The following RALYL variants were observed in gnomAD, a reference collection of about 807,000 sequenced individuals.
The protein encoded by RALYL is RALY RNA binding protein like, also known as RNA-binding Raly-like protein.
A neutral mutation model predicts 35.1 loss-of-function variants in RALYL; 29 were observed. The ratio of observed to expected loss-of-function variants is 0.83; its 90% CI spans 0.61 to 1.13. The LOEUF is 1.13. RALYL is among the 50% of genes most tolerant of loss of function. The probability of loss-of-function intolerance (pLI) is 0.00; values close to 1 mark genes in which losing one functional copy is unlikely to be tolerated. For synonymous variants in RALYL, 120 were observed against 127.6 expected (o/e 0.94, Z 0.40); for missense variants, 359 against 360.4 (o/e 1.00, Z 0.03).
chr8:84,857,807 T>C (rs1837355724), intron 5 of RALYL, among the ~76,000 whole-genome samples: 1 of 152,196 alleles, frequency 6.6e-6, no homozygotes, highest in African/African-American at 2.4e-5. Flanking sequence ...TAAAGAATTA[T>C]AGTAGTTGTT....
intron 2 of RALYL, among the ~76,000 whole-genome samples, chr8:84,613,845 C>T (rs1031259517): frequency 6.7e-6 from 1 of 148,250 alleles, no homozygotes; most frequent in Non-Finnish European, 1.5e-5. Flanking sequence ...TTACTTTAAA[C>T]AATTTTCTTC....
chr8:84,310,475 G>T (rs1842559287), intron 1 of RALYL, among the ~76,000 whole-genome samples: 2 of 151,800 alleles, frequency 1.3e-5, no homozygotes, highest in African/African-American at 4.8e-5. Flanking sequence ...AAGAAAAATG[G>T]AAAACGGCAA....
intron 1 of RALYL, among the ~76,000 whole-genome samples, chr8:84,361,313 C>G (rs1852966743): frequency 1.3e-5 from 2 of 152,146 alleles, no homozygotes; most frequent in South Asian, 4.1e-4. Context: ...TTCCAGCACT[C>G]CAATATTCAA....
chr8:84,521,568 A>G (rs965894998), intron 1 of RALYL, among the ~76,000 whole-genome samples: 1 of 152,220 alleles, frequency 6.6e-6, no homozygotes, highest in Non-Finnish European at 1.5e-5. Context: ...CTGCCAAATT[A>G]CATTTGGATC....
chr8:84,529,265 T>C (rs1231682592), intron 1 of RALYL, 34 bp from the exon 2 acceptor site: 1 of 1,543,954 alleles, frequency 6.5e-7, no homozygotes, highest in Non-Finnish European at 8.8e-7. Flanking sequence ...TACCTTTTGA[T>C]TATTTGTTTT....
intron 1 of RALYL, among the ~76,000 whole-genome samples, chr8:84,356,247 T>C (rs1851812603): frequency 6.6e-6 from 1 of 150,448 alleles, no homozygotes. Flanking sequence ...GACTAATACA[T>C]AGGTAATAAC....
intron 1 of RALYL, among the ~76,000 whole-genome samples, chr8:84,266,916 CG>C (rs1284283280): frequency 6.8e-6 from 1 of 147,168 alleles, no homozygotes; most frequent in African/African-American, 2.5e-5. Context: ...GCCGAGATCG[CG>C]CCACTGCACT....
intron 1 of RALYL, among the ~76,000 whole-genome samples, chr8:84,198,234 G>A (rs1175670846): frequency 1.3e-5 from 2 of 152,182 alleles, no homozygotes; most frequent in African/African-American, 4.8e-5. Context: ...TATGTGTACT[G>A]AAATGATAAT....
chr8:84,738,793 T>C (rs1268944015), intron 2 of RALYL, among the ~76,000 whole-genome samples: 1 of 152,022 alleles, frequency 6.6e-6, no homozygotes, highest in African/African-American at 2.4e-5. Flanking sequence ...GCAGTGAACA[T>C]CAATGGGGAA....
chr8:84,225,282 C>G (rs1823603271), intron 1 of RALYL, among the ~76,000 whole-genome samples: 1 of 152,190 alleles, frequency 6.6e-6, no homozygotes, highest in Non-Finnish European at 1.5e-5. Flanking sequence ...TTGAAATAGT[C>G]TCCTTAGCTG....
At chr8:84,633,487 G>A (rs1424313494) in intron 2 of RALYL, among the ~76,000 whole-genome samples, 2 of 151,694 alleles carry the variant, frequency 1.3e-5, no homozygotes, top group Non-Finnish European at 3.0e-5. Flanking sequence ...CAACTTTTAA[G>A]AAAAAAGAAG....
At chr8:84,426,426 C>CTT (rs1213281137) in intron 1 of RALYL, among the ~76,000 whole-genome samples, 4 of 128,768 alleles carry the variant, frequency 3.1e-5, no homozygotes. Flanking sequence ...CTTTTGCGTT[C>CTT]TCTCTCTCTC....
At chr8:84,427,550 A>T (rs1260499943) in intron 1 of RALYL, among the ~76,000 whole-genome samples, 2 of 152,244 alleles carry the variant, frequency 1.3e-5, no homozygotes, top group Non-Finnish European at 2.9e-5. Context: ...ATTTAAAAAA[A>T]AACCTTTCAA....
intron 1 of RALYL, among the ~76,000 whole-genome samples, chr8:84,520,576 C>T (rs1018529473): frequency 6.6e-6 from 1 of 152,036 alleles, no homozygotes; most frequent in Non-Finnish European, 1.5e-5. Context: ...AGACAGGTAT[C>T]GGTCTGTCAC....
intron 1 of RALYL, among the ~76,000 whole-genome samples, chr8:84,325,867 T>A (rs531563517): frequency 2.6e-5 from 4 of 152,164 alleles, no homozygotes; most frequent in Non-Finnish European, 4.4e-5. Context: ...CAGTGGCTCA[T>A]GCCTGTAATT....
At chr8:84,899,382 A>T (rs1845289398) in intron 8 of RALYL, among the ~76,000 whole-genome samples, 1 of 151,392 alleles carries the variant, frequency 6.6e-6, no homozygotes, top group African/African-American at 2.4e-5. Flanking sequence ...ATTTTTCCTC[A>T]GTGTAGTGCT....
intron 3 of RALYL, among the ~76,000 whole-genome samples, chr8:84,797,627 G>GA (rs567418543): frequency 6.6e-6 from 1 of 151,884 alleles, no homozygotes; most frequent in African/African-American, 2.4e-5. Flanking sequence ...TTCCTTTGGA[G>GA]AAAAAAAGTA....
intron 1 of RALYL, among the ~76,000 whole-genome samples, chr8:84,456,018 A>G (rs114624790): frequency 0.056 from 8,535 of 151,892 alleles, 568 homozygotes; most frequent in African/African-American, 0.16. Context: ...TTAGAACTCA[A>G]CTCAGGCATA....
At chr8:84,216,428 T>A (rs1197073096) in intron 1 of RALYL, among the ~76,000 whole-genome samples, 2 of 152,148 alleles carry the variant, frequency 1.3e-5, no homozygotes, top group Admixed American at 1.3e-4. Flanking sequence ...TTTTTAGAAA[T>A]ACATTTTATT....
Sources: gnomAD v4.1 joint callset for allele counts (sites outside exome capture counted in the v4.1 genomes callset) on GRCh38, gnomAD v4.1.1 for gene constraint, MANE v1.5 for transcripts, NCBI Gene and HGNC (gene_info 2026-07-23, HGNC 2026-07-21) for gene names.